The following NPEPPS variants were observed in gnomAD, a reference collection of about 807,000 sequenced individuals.
The protein encoded by NPEPPS is puromycin-sensitive aminopeptidase.
Under a neutral mutation model 115.5 loss-of-function variants are expected in NPEPPS, and 14 were observed. The observed-to-expected ratio is 0.12, with a 90% confidence interval of 0.08 to 0.19. NPEPPS has a LOEUF of 0.19. NPEPPS is among the 10% of genes least tolerant of loss of function. The pLI is 1.00. For synonymous variants in NPEPPS, 285 were observed against 390.6 expected (o/e 0.73, Z 3.19); for missense variants, 523 against 1,110.8 (o/e 0.47, Z 7.52).
chr17:47,618,235 C>A, intron 19 of NPEPPS, 115 bp from the exon 20 acceptor site: 1 of 652,926 alleles, frequency 1.5e-6, no homozygotes, highest in African/African-American at 1.8e-5. Context: ...GCCATTCTTA[C>A]CTAGTGAGAA....
chr17:47,554,823 C>T (rs1166503293), intron 2 of NPEPPS, among the ~76,000 whole-genome samples: 4 of 152,126 alleles, frequency 2.6e-5, no homozygotes, highest in Non-Finnish European at 5.9e-5. Context: ...ACTGAGATGG[C>T]TACTAGGTGC....
At chr17:47,567,515 C>A (rs1441462316) in intron 2 of NPEPPS, among the ~76,000 whole-genome samples, 1 of 152,156 alleles carries the variant, frequency 6.6e-6, no homozygotes, top group Non-Finnish European at 1.5e-5. Flanking sequence ...GTAGTACTTT[C>A]CTTTCTCCCC....
intron 13 of NPEPPS, among the ~76,000 whole-genome samples, chr17:47,598,217 G>A (rs1320174725): frequency 6.6e-6 from 1 of 152,218 alleles, no homozygotes. Flanking sequence ...GCTCACGCCT[G>A]TACTTAGAAT....
At chr17:47,602,985 G>A (rs1017631537) in intron 15 of NPEPPS, among the ~76,000 whole-genome samples, 6 of 152,044 alleles carry the variant, frequency 3.9e-5, no homozygotes, top group Non-Finnish European at 5.9e-5. Context: ...TGATAGTTGC[G>A]TTAAAATTGT....
rs1007374517 is a variant in NPEPPS, at chr17:47,622,569, A to G, written c.*649A>G. The stretch of plus-strand genomic sequence containing the variant: ...TGGCCAAAAAAAAACAAAAAGCAAA[A>G]AACAAAAACCTACCCTGTTCTGGTT... On this transcript the variant is annotated 3_prime_UTR_variant, in exon 23 of 23. Coordinates refer to ENST00000322157, the MANE Select transcript of NPEPPS (RefSeq NM_006310.4). 1 of 247,506 alleles carries G rather than the reference A, an allele frequency of 4.0e-6. No homozygotes were observed. 15.3% of individuals were successfully genotyped at this position (247,506 alleles called of 1,614,324 possible).
At chr17:47,611,458 CA>C (rs71141920) in intron 17 of NPEPPS, among the ~76,000 whole-genome samples, 314 of 120,122 alleles carry the variant, frequency 2.6e-3, no homozygotes, top group African/African-American at 6.2e-3. Context: ...GACCACATCT[CA>C]AAAAAAAAAA....
At chr17:47,576,145 T>G (rs1158582788) in intron 3 of NPEPPS, among the ~76,000 whole-genome samples, 2 of 152,100 alleles carry the variant, frequency 1.3e-5, no homozygotes, top group South Asian at 4.1e-4. Flanking sequence ...TTTTCTGAAA[T>G]TGGCACCATT....
At chr17:47,571,024 AAATTAT>A (rs2143807503) in intron 3 of NPEPPS, among the ~76,000 whole-genome samples, 1 of 152,356 alleles carries the variant, frequency 6.6e-6, no homozygotes, top group South Asian at 2.1e-4. Context: ...TGGTAGTAAA[AAATTAT>A]AATTAATATA....
At chr17:47,553,656 A>G (rs1909799673) in intron 2 of NPEPPS, among the ~76,000 whole-genome samples, 1 of 152,208 alleles carries the variant, frequency 6.6e-6, no homozygotes, top group Non-Finnish European at 1.5e-5. Context: ...TTTAATTTTT[A>G]CATTTGAAAT....
intron 1 of NPEPPS, among the ~76,000 whole-genome samples, chr17:47,539,790 G>T (rs1295450384): frequency 6.6e-6 from 1 of 151,970 alleles, no homozygotes; most frequent in Non-Finnish European, 1.5e-5. Flanking sequence ...AGAAAACTTG[G>T]CTCAACTTGA....
chr17:47,572,704 G>C (rs560476460), intron 3 of NPEPPS, among the ~76,000 whole-genome samples: 1 of 152,282 alleles, frequency 6.6e-6, no homozygotes, highest in South Asian at 2.1e-4. Flanking sequence ...CAGAAAAATA[G>C]ATTTGAGAAC....
intron 1 of NPEPPS, among the ~76,000 whole-genome samples, chr17:47,543,803 A>G (rs1441035745): frequency 1.5e-4 from 23 of 152,292 alleles, no homozygotes; most frequent in Admixed American, 1.4e-3. Flanking sequence ...CAGAAAGTCC[A>G]CTATTAGGTT....
intron 17 of NPEPPS, among the ~76,000 whole-genome samples, chr17:47,609,110 G>A (rs1040787499): frequency 3.3e-5 from 5 of 152,028 alleles, no homozygotes; most frequent in African/African-American, 4.8e-5. Context: ...TACATTTTCT[G>A]CAACTATTTG....
At chr17:47,533,516 C>A (rs569895608) in intron 1 of NPEPPS, among the ~76,000 whole-genome samples, 1 of 149,742 alleles carries the variant, frequency 6.7e-6, no homozygotes, top group East Asian at 1.9e-4. Context: ...TTAAAAAAAA[C>A]ATTTGTTTCT....
chr17:47,545,064 A>C (rs1909099458), intron 1 of NPEPPS, among the ~76,000 whole-genome samples: 1 of 151,584 alleles, frequency 6.6e-6, no homozygotes, highest in Non-Finnish European at 1.5e-5. Flanking sequence ...TCAGTGATGT[A>C]ATCATAGCTC....
chr17:47,545,827 G>A (rs890212580), intron 1 of NPEPPS, 82 bp from the exon 2 acceptor site: 26 of 1,471,510 alleles, frequency 1.8e-5, no homozygotes, highest in South Asian at 3.9e-5. Context: ...GATTACAGGT[G>A]TGTGCCAACA....
At chr17:47,573,253 G>T (rs943941267) in intron 3 of NPEPPS, among the ~76,000 whole-genome samples, 59 of 152,250 alleles carry the variant, frequency 3.9e-4, no homozygotes, top group African/African-American at 1.4e-3. Context: ...TCCTGTCTGG[G>T]GTAGGGGGCA....
intron 1 of NPEPPS, among the ~76,000 whole-genome samples, chr17:47,525,016 A>G (rs981316569): frequency 1.2e-4 from 18 of 151,898 alleles, no homozygotes; most frequent in Non-Finnish European, 2.2e-4. Context: ...AGTAGGGCTA[A>G]GGATCTTGGG....
intron 1 of NPEPPS, among the ~76,000 whole-genome samples, chr17:47,535,655 T>A (rs62073970): frequency 0.37 from 54,451 of 148,346 alleles, 10,258 homozygotes; most frequent in South Asian, 0.44. Context: ...AAAATTTATT[T>A]CATTCCCTGT....
Sources: allele counts gnomAD v4.1 joint callset (sites outside exome capture counted in the v4.1 genomes callset), GRCh38; gene constraint gnomAD v4.1.1; transcripts MANE v1.5; gene names NCBI Gene and HGNC (gene_info 2026-07-23, HGNC 2026-07-21).